SLC39A2: variants seen among roughly 807,000 people sequenced by gnomAD.
SLC39A2 encodes the protein solute carrier family 39 member 2, also known as zinc transporter ZIP2.
SLC39A2 carries 14 observed loss-of-function variants against 18.0 expected under a neutral mutation model. The ratio of observed to expected loss-of-function variants is 0.78; its 90% CI spans 0.51 to 1.22. The LOEUF is 1.22. Among genes scored for constraint, SLC39A2 ranks in the 50% most tolerant of loss-of-function variants. SLC39A2 has a pLI of 0.00. For missense variants in SLC39A2, 375 were observed against 370.6 expected, an observed-to-expected ratio of 1.01 and a Z score of -0.10; for synonymous variants, 152 against 153.1, an observed-to-expected ratio of 0.99 and a Z score of 0.05.
chr14:20,999,366 A>T lies in SLC39A2; in HGVS notation c.-81A>T. ...CACGAGAGTGGACACTCCAGTGTTG[A>T]CCACCTAAGATACCACTCCTGCTCC... On this transcript the variant is annotated 5_prime_UTR_variant, in exon 1 of 4. Transcript: ENST00000298681. The T allele has an allele frequency of 2.0e-6, 2 of 1,023,580 alleles. No homozygotes were observed. Among genetic ancestry groups the T allele is most frequent in the South Asian group, 1.3e-5 (1 of 77,532 alleles). The allele number at this position is 1,023,580 out of a possible 1,614,324, so 63.4% of individuals were successfully genotyped here. A position where few individuals can be genotyped will look rare whatever the true frequency, so the allele number is the denominator to read the frequency against.
At chr14:21,000,819 A>G in intron 3 of SLC39A2, 128 bp from the exon 4 acceptor site, 1 of 803,548 alleles carries the variant, frequency 1.2e-6, no homozygotes, top group Non-Finnish European at 1.9e-6. Flanking sequence ...TCTTGGCTTC[A>G]TTTCCCCTAC....
intron 2 of SLC39A2, 92 bp from the exon 3 acceptor site, chr14:21,000,024 T>TA (rs1374545626): frequency 2.1e-6 from 3 of 1,457,876 alleles, no homozygotes; most frequent in Non-Finnish European, 2.8e-6. Flanking sequence ...GCAAGTCAGA[T>TA]TAGGCTTTAA....
intron 1 of SLC39A2, 59 bp downstream of exon 1, chr14:20,999,620 T>C (rs1880538234): frequency 1.3e-6 from 2 of 1,575,000 alleles, no homozygotes; most frequent in East Asian, 2.2e-5. Flanking sequence ...CCTGTCCTGA[T>C]ACCTTGCTCT....
chr14:21,000,998 T>G lies in SLC39A2; in HGVS notation c.349T>G (p.Phe117Val). 1.3e-6 allele frequency: 2 copies of G among 1,531,068 alleles called. No homozygotes were observed. Among genetic ancestry groups the G allele is most frequent in the Non-Finnish European group, 1.8e-6 (2 of 1,140,360 alleles). 94.8% of individuals were successfully genotyped at this position (1,531,068 alleles called of 1,614,324 possible). A position where few individuals can be genotyped will look rare whatever the true frequency, so the allele number is the denominator to read the frequency against. Residue 117 changes from phenylalanine to valine, a missense_variant, in exon 4 of 4, where the codon TTC becomes GTC. Coordinates refer to ENST00000298681, the MANE Select transcript of SLC39A2 (RefSeq NM_014579.4). ...LIISLGFFFV[F>V]FLESLALQCC... ...CATCTCCCTGGGCTTCTTTTTTGTCTTCTTTTTGGAGTCGCTGGCATTGCA... is the reference window on the plus strand; with the variant it reads ...CATCTCCCTGGGCTTCTTTTTTGTCGTCTTTTTGGAGTCGCTGGCATTGCA...
rs768079811 is a variant in SLC39A2 at position 21,001,255 on chromosome 14, T to A, written c.606T>A (p.His202Gln). ...TVQLCLAVLA[H>Q]KGLVVFGVGM... is the part of the protein sequence containing the mutation. ...AGCTCTGCCTTGCTGTCCTGGCTCA[T>A]AAGGGGCTTGTGGTGTTTGGTGTAG... Residue 202 changes from histidine to glutamine, a missense_variant, in exon 4 of 4, where the codon CAT becomes CAA. Coordinates refer to ENST00000298681, the MANE Select transcript of SLC39A2 (RefSeq NM_014579.4). 1.2e-6 allele frequency: 2 copies of A among 1,614,150 alleles called. No individual in the cohort carries two copies. Among genetic ancestry groups the A allele is most frequent in the Non-Finnish European group, 1.7e-6 (2 of 1,180,054 alleles).
chr14:21,000,825 C>G, intron 3 of SLC39A2, 122 bp from the exon 4 acceptor site: 1 of 841,924 alleles, frequency 1.2e-6, no homozygotes, highest in East Asian at 2.6e-5. Context: ...CTTCATTTCC[C>G]CTACCCTTTT....
chr14:21,000,528 G>A (rs569391932), intron 3 of SLC39A2, among the ~76,000 whole-genome samples: 79 of 152,320 alleles, frequency 5.2e-4, no homozygotes, highest in Non-Finnish European at 7.5e-4. Context: ...CTGGAGTACA[G>A]TGGCACAATC....
At chr14:20,999,971 G>T in intron 2 of SLC39A2, 99 bp downstream of exon 2, 2 of 1,514,054 alleles carry the variant, frequency 1.3e-6, no homozygotes, top group Non-Finnish European at 1.8e-6. Context: ...GGACATGGGT[G>T]GAACGACAAG....
chr14:21,000,478 T>G (rs1880575851), intron 3 of SLC39A2, among the ~76,000 whole-genome samples: 2 of 152,196 alleles, frequency 1.3e-5, no homozygotes, highest in South Asian at 2.1e-4. Context: ...GTTGTTGTTT[T>G]TCGTTTGTTT....
chr14:21,001,251 C>G lies in SLC39A2; in HGVS notation c.602C>G (p.Ala201Gly), dbSNP rs760141922. ...GTGCAGCTCTGCCTTGCTGTCCTGG[C>G]TCATAAGGGGCTTGTGGTGTTTGGT... ...ATVQLCLAVLAHKGLVVFGVG... is the reference protein window; with the variant it reads ...ATVQLCLAVLGHKGLVVFGVG... Residue 201 changes from alanine (A) to glycine (G), a missense_variant, in exon 4 of 4, where the codon GCT becomes GGT. Ala to Gly is a moderately conservative substitution (Grantham distance 60). Coordinates refer to ENST00000298681, the MANE Select transcript of SLC39A2 (RefSeq NM_014579.4). 67 of 1,614,098 alleles carry G rather than the reference C, an allele frequency of 4.2e-5. No individual in the cohort carries two copies. The highest frequency in any genetic ancestry group is 5.3e-5 in the Non-Finnish European group (62 of 1,180,040).
At position 21,001,736 on chromosome 14, in the gene SLC39A2, C is replaced by T; in HGVS notation, c.*157C>T. On this transcript the variant is annotated 3_prime_UTR_variant, in exon 4 of 4. Transcript: ENST00000298681. ...CCCAGGTTTCCTTTACATGAGATCCCATTTCTCACCCTGGACTAAGACAAA... is the reference window on the plus strand; with the variant it reads ...CCCAGGTTTCCTTTACATGAGATCCTATTTCTCACCCTGGACTAAGACAAA... 1 of 559,964 alleles carries T rather than the reference C, an allele frequency of 1.8e-6. No individual in the cohort carries two copies. The highest frequency in any genetic ancestry group is 3.0e-6 in the Non-Finnish European group (1 of 336,654). The allele number at this position is 559,964 out of a possible 1,614,324, so 34.7% of individuals were successfully genotyped here.
At chr14:20,999,944 GA>G in intron 2 of SLC39A2, 72 bp downstream of exon 2, 1 of 1,585,112 alleles carries the variant, frequency 6.3e-7, no homozygotes, top group Non-Finnish European at 8.6e-7. Context: ...AAGAGAGCGG[GA>G]AAGTGATGGA....
At chr14:21,000,815 C>G in intron 3 of SLC39A2, 132 bp from the exon 4 acceptor site, 8 of 750,622 alleles carry the variant, frequency 1.1e-5, no homozygotes, top group Non-Finnish European at 1.4e-5. Flanking sequence ...CTACTCTTGG[C>G]TTCATTTCCC....
Position 20,999,558 on chromosome 14 carries a change from A to G in SLC39A2, c.112A>G (p.Arg38Gly). The change falls in exon 1 of 4, where the codon AGA becomes GGA. Residue 38 changes from arginine (R) to glycine (G), a missense_variant. Transcript: ENST00000298681. ...CAAATGGTTCCAGATTGATGCAGCCAGAGGTATAGCCCTACCCCATCTTTG... is the reference window on the plus strand; with the variant it reads ...CAAATGGTTCCAGATTGATGCAGCCGGAGGTATAGCCCTACCCCATCTTTG... ...CFKWFQIDAA[R>G]GHHRLVLRLL... 6.2e-6 allele frequency: 10 copies of G among 1,612,912 alleles called. No individual in the cohort carries two copies. The highest frequency in any genetic ancestry group is 7.6e-6 in the Non-Finnish European group (9 of 1,178,874).
chr14:21,000,006 T>A, intron 2 of SLC39A2, 110 bp from the exon 3 acceptor site: 1 of 1,447,528 alleles, frequency 6.9e-7, no homozygotes, highest in South Asian at 1.3e-5. Context: ...TTGTGTGGGA[T>A]GGTGAAAGCA....
Position 20,999,553 on chromosome 14 carries a change from C to G in SLC39A2, c.107C>G (p.Ala36Gly). ...PICFKWFQID[A>G]ARGHHRLVLR... ...TGCTTCAAATGGTTCCAGATTGATG[C>G]AGCCAGAGGTATAGCCCTACCCCAT... is the stretch of plus-strand genomic sequence containing the variant. The change falls in exon 1 of 4, where the codon GCA (alanine) becomes GGA (glycine). Residue 36 changes from alanine to glycine, a missense_variant. Coordinates refer to ENST00000298681, the MANE Select transcript of SLC39A2 (RefSeq NM_014579.4). 1 of 1,613,454 alleles carries G rather than the reference C, an allele frequency of 6.2e-7. No homozygotes were observed. Among genetic ancestry groups the G allele is most frequent in the Non-Finnish European group, 8.5e-7 (1 of 1,179,368 alleles).
chr14:21,001,179 T>A lies in SLC39A2; in HGVS notation c.530T>A (p.Val177Glu). Residue 177 changes from valine to glutamate, a missense_variant, in exon 4 of 4, where the codon GTG becomes GAG. Transcript: ENST00000298681. ...TTGCTGTCACTCTCCTTTCACTCAG[T>A]GTTTGAAGGGCTAGCTGTGGGGCTG... ...VLLLSLSFHS[V>E]FEGLAVGLQP... The A allele has an allele frequency of 6.2e-7, 1 of 1,614,082 alleles. No individual in the cohort carries two copies. Among genetic ancestry groups the A allele is most frequent in the African/African-American group, 1.3e-5 (1 of 75,006 alleles).
At chr14:21,000,039 A>T in intron 2 of SLC39A2, 77 bp from the exon 3 acceptor site, 1 of 1,474,436 alleles carries the variant, frequency 6.8e-7, no homozygotes, top group Non-Finnish European at 9.3e-7. Flanking sequence ...CTTTAAGGAA[A>T]ACAGAATTGC....
chr14:20,999,498 C>G lies in SLC39A2; in HGVS notation c.52C>G (p.Leu18Val). ...KLGCLFALLA[L>V]TLGCGLTPIC... is the part of the protein sequence containing the mutation. ...TGGCTGCCTGTTTGCCCTGTTGGCT[C>G]TCACTCTGGGCTGTGGCCTTACTCC... The change falls in exon 1 of 4, where the codon CTC becomes GTC. Residue 18 changes from leucine to valine, a missense_variant. Transcript: ENST00000298681. 1 of 1,614,154 alleles carries G rather than the reference C, an allele frequency of 6.2e-7. No homozygotes were observed. Among genetic ancestry groups the G allele is most frequent in the Non-Finnish European group, 8.5e-7 (1 of 1,180,022 alleles).
Sources: gnomAD v4.1 joint callset for allele counts (sites outside exome capture counted in the v4.1 genomes callset) on GRCh38, gnomAD v4.1.1 for gene constraint, MANE v1.5 for transcripts, NCBI Gene and HGNC (gene_info 2026-07-23, HGNC 2026-07-21) for gene names.